The following GRIN2C variants were observed in gnomAD, a reference collection of about 807,000 sequenced individuals.
The protein encoded by GRIN2C is glutamate ionotropic receptor NMDA type subunit 2C.
Under a neutral mutation model 77.7 loss-of-function variants are expected in GRIN2C, and 64 were observed. That is an observed-to-expected ratio of 0.82 (90% CI 0.67 to 1.01). The LOEUF is 1.01. GRIN2C is among the 50% of genes least tolerant of loss of function. The pLI is 0.00. For synonymous variants in GRIN2C, 792 were observed against 643.4 expected (o/e 1.23, Z -3.49); for missense variants, 1,549 against 1,486.0 (o/e 1.04, Z -0.70).
chr17:74,847,643 G>A lies in GRIN2C; in HGVS notation c.1772-106C>T, dbSNP rs143231777. 20 of 939,398 alleles carry A rather than the reference G, an allele frequency of 2.1e-5. No individual in the cohort carries two copies. Among genetic ancestry groups the A allele is most frequent in the Non-Finnish European group, 2.8e-5 (17 of 612,158 alleles). The allele number at this position is 939,398 out of a possible 1,614,324, so 58.2% of individuals were successfully genotyped here. On this transcript the variant is annotated intron_variant, in intron 8 of 12. Transcript: ENST00000293190. This position sits in a 1 kb window ranked among gnomAD's most constrained non-coding sequence, Gnocchi z 5.2. ...CAGCTCCGGTCTCAGCCTGGCCTTG[G>A]GGGGGACGCGTCCTGGCCATTCCCT...
At chr17:74,844,223 C>G in intron 12 of GRIN2C, 53 bp downstream of exon 12, 2 of 1,601,408 alleles carry the variant, frequency 1.2e-6, no homozygotes, top group Non-Finnish European at 1.7e-6. Flanking sequence ...CCGGACTTAT[C>G]TGGGTAGGTG....
At chr17:74,857,761 T>C (rs141544338) in intron 1 of GRIN2C, among the ~76,000 whole-genome samples, 2 of 152,314 alleles carry the variant, frequency 1.3e-5, no homozygotes, top group East Asian at 3.9e-4. Flanking sequence ...ACACGACTAT[T>C]GGGTACCAGA....
upstream of GRIN2C, chr17:74,860,596 C>G: frequency 2.3e-6 from 1 of 430,784 alleles, no homozygotes; most frequent in Non-Finnish European, 4.7e-6. Flanking sequence ...CTGGGCGAAG[C>G]CCCCAGAGAC....
intron 12 of GRIN2C, 93 bp from the exon 13 acceptor site, chr17:74,843,646 C>T: frequency 6.8e-7 from 1 of 1,461,646 alleles, no homozygotes; most frequent in South Asian, 1.2e-5. Flanking sequence ...CATCATCAGT[C>T]TTCTATAAGT....
rs1269600305 is a variant in GRIN2C, at chr17:74,847,626, G to GTC, written c.1772-91_1772-90dup. ...CAGCCCACCCGACTGCACAGCTCCG[G>GTC]TCTCAGCCTGGCCTTGGGGGGGACG... On this transcript the variant is annotated intron_variant, in intron 8 of 12. Transcript: ENST00000293190. The surrounding 1 kb of genome is among the most constrained non-coding windows in gnomAD (Gnocchi z 5.2). 1 of 1,045,700 alleles carries GTC rather than the reference G, an allele frequency of 9.6e-7. No individual in the cohort carries two copies. The highest frequency in any genetic ancestry group is 1.4e-6 in the Non-Finnish European group (1 of 701,276). 64.8% of individuals were successfully genotyped at this position (1,045,700 alleles called of 1,614,324 possible). A position where few individuals can be genotyped will look rare whatever the true frequency, so the allele number is the denominator to read the frequency against.
intron 12 of GRIN2C, 146 bp downstream of exon 12, chr17:74,844,130 T>C: frequency 7.0e-7 from 1 of 1,435,906 alleles, no homozygotes; most frequent in Non-Finnish European, 9.1e-7. Flanking sequence ...GGCCTAAGCC[T>C]CTCAAAGTGT....
rs370282910 is a variant in GRIN2C at position 74,847,832 on chromosome 17, C to T, written c.1771+20G>A. On this transcript the variant is annotated intron_variant, in intron 8 of 12. Coordinates refer to ENST00000293190, the MANE Select transcript of GRIN2C (RefSeq NM_000835.6). The surrounding 1 kb of genome is among the most constrained non-coding windows in gnomAD (Gnocchi z 5.2). ...GGGTGCCCAGGCCCACCCCTCCTGC[C>T]GGGCCCAGGCAAGGCTTACTCTTGC... 48 of 1,613,574 alleles carry T rather than the reference C, an allele frequency of 3.0e-5. No homozygotes were observed. Among genetic ancestry groups the T allele is most frequent in the East Asian group, 8.9e-5 (4 of 44,886 alleles).
rs1170407683 is a variant in GRIN2C at position 74,842,594 on chromosome 17, G to A, written c.3543C>T (p.Ala1181=). ...TGCCCCTGTGCCCCAGAGGCCCCCA[G>A]GCCCCGGAGAGCCAGGAGCCGTGGC... ...CASHGSWLSG[A]WGPLGHRGRT... Residue 1181 remains alanine (A), a synonymous_variant, in exon 13 of 13, where the codon GCC becomes GCT. Transcript: ENST00000293190. 6 of 768,416 alleles carry A rather than the reference G, an allele frequency of 7.8e-6. No individual in the cohort carries two copies. Among genetic ancestry groups the A allele is most frequent in the Non-Finnish European group, 1.5e-5 (6 of 412,796 alleles). The allele number at this position is 768,416 out of a possible 1,614,324, so 47.6% of individuals were successfully genotyped here.
intron 12 of GRIN2C, chr17:74,843,994 C>T (rs2037382116): frequency 3.5e-6 from 2 of 575,242 alleles, no homozygotes; most frequent in Non-Finnish European, 5.9e-6. Flanking sequence ...CCAATTCAGC[C>T]TCCTGAGTAG....
intron 1 of GRIN2C, among the ~76,000 whole-genome samples, chr17:74,858,810 C>A (rs988593584): frequency 6.6e-6 from 1 of 152,054 alleles, no homozygotes; most frequent in Non-Finnish European, 1.5e-5. Flanking sequence ...TGCCAGTCTG[C>A]TGGCCAAACA....
At chr17:74,845,124 A>G (rs1435784523) in intron 11 of GRIN2C, among the ~76,000 whole-genome samples, 1 of 151,954 alleles carries the variant, frequency 6.6e-6, no homozygotes, top group Non-Finnish European at 1.5e-5. Context: ...GAGATAGGGT[A>G]TCCCCATGTT....
chr17:74,846,256 G>A lies in GRIN2C; in HGVS notation c.2163-3C>T, dbSNP rs766027308. 3.1e-6 allele frequency: 5 copies of A among 1,613,696 alleles called. No homozygotes were observed. In the Admixed American group the frequency reaches 8.3e-5, roughly 27 times the overall value. ...CATAGATGAAGGCATCCAGCTTCCT[G>A]GGGACAGGCTGAGCCTCAGAGCTAG... On this transcript the variant is annotated splice_region_variant and splice_polypyrimidine_tract_variant and intron_variant, in intron 10 of 12. Coordinates refer to ENST00000293190, the MANE Select transcript of GRIN2C (RefSeq NM_000835.6). This position sits in a 1 kb window ranked among gnomAD's most constrained non-coding sequence, Gnocchi z 4.4.
Position 74,852,356 on chromosome 17 carries a change from G to A in GRIN2C, c.655C>T (p.Leu219Phe). Residue 219 changes from leucine to phenylalanine, a missense_variant, in exon 3 of 13, where the codon CTC becomes TTC. By Grantham distance (22) the Leu-to-Phe change is conservative. Around this residue, in one of 3 missense-constraint regions of GRIN2C, gnomAD observed 382 missense variants for 360.0 expected, o/e 1.06. Transcript: ENST00000293190. ...RARTQRLLRQLDAPVFVAYCS... is the reference protein window; with the variant it reads ...RARTQRLLRQFDAPVFVAYCS... ...TAGGCCACAAACACGGGCGCGTCGAGCTGGCGCAGCAGGCGCTGCGTGCGC... is the reference window on the plus strand; with the variant it reads ...TAGGCCACAAACACGGGCGCGTCGAACTGGCGCAGCAGGCGCTGCGTGCGC... 6.9e-7 allele frequency: 1 copy of A among 1,454,264 alleles called. No homozygotes were observed. The highest frequency in any genetic ancestry group is 9.0e-7 in the Non-Finnish European group (1 of 1,111,124). 90.1% of individuals were successfully genotyped at this position (1,454,264 alleles called of 1,614,324 possible). A position where few individuals can be genotyped will look rare whatever the true frequency, so the allele number is the denominator to read the frequency against.
chr17:74,843,002 G>T lies in GRIN2C; in HGVS notation c.3135C>A (p.Leu1045=). The T allele has an allele frequency of 4.0e-6, 1 of 249,888 alleles. No homozygotes were observed. The highest frequency in any genetic ancestry group is 6.1e-5 in the South Asian group (1 of 16,524). The allele number at this position is 249,888 out of a possible 1,614,324, so 15.5% of individuals were successfully genotyped here. A position where few individuals can be genotyped will look rare whatever the true frequency, so the allele number is the denominator to read the frequency against. ...ADRSGRPFLP[L]FPELEDLPLL... is the part of the protein sequence containing the mutation. ...GCGGCAGGTCCTCCAGCTCCGGGAA[G>T]AGCGGGAGGAAGGGGCGGCCGGATC... The change falls in exon 13 of 13, where the codon CTC becomes CTA. Residue 1045 remains leucine, a synonymous_variant. Transcript: ENST00000293190.
chr17:74,861,467 C>A (rs1472791980), upstream of GRIN2C: 1 of 152,014 alleles, frequency 6.6e-6, no homozygotes, highest in Admixed American at 6.6e-5. Context: ...AGAGCCCGCG[C>A]CGGCCGCCTC....
In GRIN2C at chr17:74,855,774, G is replaced by A. The variant is rs373487440; in HGVS notation, c.-15-667C>T. Among the ~76,000 whole-genome samples the A allele has an allele frequency of 3.0e-3, 454 of 152,102 alleles. 2 individuals are homozygous for A. Among genetic ancestry groups the A allele is most frequent in the African/African-American group, 0.01 (432 of 41,502 alleles). Reference sequence around the variant, plus strand: ...TCACCAGGGCCTGTGCTACTGGTCAGTGTGCCCTGCTTGCCATGGGGCCAG... The same window carrying A: ...TCACCAGGGCCTGTGCTACTGGTCAATGTGCCCTGCTTGCCATGGGGCCAG... On this transcript the variant is annotated intron_variant, in intron 1 of 12. Coordinates refer to ENST00000293190, the MANE Select transcript of GRIN2C (RefSeq NM_000835.6).
chr17:74,846,907 T>C lies in GRIN2C; in HGVS notation c.2015A>G (p.Gln672Arg). The C allele has an allele frequency of 6.2e-7, 1 of 1,608,524 alleles. No individual in the cohort carries two copies. Among genetic ancestry groups the C allele is most frequent in the Non-Finnish European group, 8.5e-7 (1 of 1,175,878 alleles). ...GAAGCGGAAAGGTGGGTACTGATCT[T>C]GAGGCCGCTGAAACTGCAGGCGGAG... ...GLSDKKFQRP[Q>R]DQYPPFRFGT... Residue 672 changes from glutamine (Q) to arginine (R), a missense_variant, in exon 10 of 13, where the codon CAA (glutamine) becomes CGA (arginine). Gln to Arg is a conservative substitution (Grantham distance 43). Transcript: ENST00000293190. The surrounding 1 kb of genome is among the most constrained non-coding windows in gnomAD (Gnocchi z 4.4).
Position 74,849,017 on chromosome 17 carries a change from CAAAAA to C in GRIN2C, c.1645+758_1645+762del, listed in dbSNP as rs60336063. 0.016 allele frequency among the ~76,000 whole-genome samples: 1,256 copies of C among 80,800 alleles called. 25 individuals carry two copies. Among genetic ancestry groups the C allele is most frequent in the African/African-American group, 0.048 (1,136 of 23,658 alleles). The allele number at this position is 80,800 out of a possible 152,430, so 53.0% of individuals were successfully genotyped here. ...TGGGTGACAGAGGAACACCCTGTCT[CAAAAA>C]AAAAAAGGAAGGAAAGAAGAAAGGA... On this transcript the variant is annotated intron_variant, in intron 7 of 12. Transcript: ENST00000293190. This position sits in a 1 kb window ranked among gnomAD's most constrained non-coding sequence, Gnocchi z 4.6.
Position 74,843,182 on chromosome 17 carries a change from C to T in GRIN2C, c.2955G>A (p.Gly985=). ...PQPPGRPPTP[G]PPLSDVSRVS... ...CTCGGGAGACGTCGGACAGGGGCGGCCCCGGCGTCGGGGGGCGGCCCGGGG... is the reference window on the plus strand; with the variant it reads ...CTCGGGAGACGTCGGACAGGGGCGGTCCCGGCGTCGGGGGGCGGCCCGGGG... Residue 985 remains glycine (G), a synonymous_variant, in exon 13 of 13, where the codon GGG becomes GGA. Coordinates refer to ENST00000293190, the MANE Select transcript of GRIN2C (RefSeq NM_000835.6). 1 of 414,046 alleles carries T rather than the reference C, an allele frequency of 2.4e-6. No individual in the cohort carries two copies. The highest frequency in any genetic ancestry group is 4.2e-6 in the Non-Finnish European group (1 of 240,708). 25.6% of individuals were successfully genotyped at this position (414,046 alleles called of 1,614,324 possible). A position where few individuals can be genotyped will look rare whatever the true frequency, so the allele number is the denominator to read the frequency against.
Sources: allele counts gnomAD v4.1 joint callset (sites outside exome capture counted in the v4.1 genomes callset), GRCh38; gene constraint gnomAD v4.1.1; regional missense constraint gnomAD v4.1.1; non-coding constraint Gnocchi (gnomAD v3.1); transcripts MANE v1.5; gene names NCBI Gene and HGNC (gene_info 2026-07-23, HGNC 2026-07-21).